The following LIPC variants were observed in gnomAD, a reference collection of about 807,000 sequenced individuals.
LIPC encodes the protein lipase C, hepatic type.
In LIPC, 44 loss-of-function variants were observed where a neutral mutation model predicts 50.7. That is an observed-to-expected ratio of 0.87 (90% confidence interval 0.68 to 1.11). The LOEUF (loss-of-function observed/expected upper bound fraction) is 1.11, where lower values mean the gene tolerates loss of function less well. Among genes scored for constraint, LIPC ranks in the 50% most tolerant of loss-of-function variants. LIPC has a pLI of 0.00. For synonymous variants in LIPC, 271 were observed against 256.4 expected, an observed-to-expected ratio of 1.06 and a Z score of -0.54; for missense variants, 697 against 648.2, an observed-to-expected ratio of 1.08 and a Z score of -0.82.
chr15:58,462,433 C>T (rs7172556), intron 1 of LIPC, among the ~76,000 whole-genome samples: 1 of 152,094 alleles, frequency 6.6e-6, no homozygotes, highest in Non-Finnish European at 1.5e-5. Context: ...ATGATAAAGG[C>T]TTTCAGCACC....
chr15:58,542,415 A>C, intron 3 of LIPC, 119 bp from the exon 4 acceptor site: 3 of 768,698 alleles, frequency 3.9e-6, no homozygotes, highest in Non-Finnish European at 7.1e-6. Context: ...GAGTGTGAAT[A>C]AGGCACCTCA....
At chr15:58,451,214 G>C (rs1893888592) in intron 1 of LIPC, among the ~76,000 whole-genome samples, 1 of 152,194 alleles carries the variant, frequency 6.6e-6, no homozygotes, top group East Asian at 1.9e-4. Context: ...GTGACAGGTA[G>C]AGCAGTGGGG....
chr15:58,435,419 G>A (rs1893260431), intron 1 of LIPC: 1 of 144,644 alleles, frequency 6.9e-6, no homozygotes, highest in Non-Finnish European at 1.5e-5. Context: ...AGTGGGCACT[G>A]TACAACAGGG....
chr15:58,511,148 G>A (rs1029427543), intron 1 of LIPC, among the ~76,000 whole-genome samples: 3 of 152,140 alleles, frequency 2.0e-5, no homozygotes, highest in African/African-American at 7.2e-5. Flanking sequence ...TTTTCTTCTC[G>A]GCTACATGAA....
chr15:58,543,688 G>A (rs1300697054), intron 4 of LIPC, among the ~76,000 whole-genome samples: 2 of 152,130 alleles, frequency 1.3e-5, no homozygotes, highest in African/African-American at 4.8e-5. Context: ...CCAGGCTGGT[G>A]TGCAATGGCA....
At chr15:58,456,162 G>A (rs979823678) in intron 1 of LIPC, 2 of 152,342 alleles carry the variant, frequency 1.3e-5, no homozygotes, top group South Asian at 4.2e-4. Flanking sequence ...CAGGGACACC[G>A]AGACAAGAGG....
chr15:58,553,187 T>C (rs1893822352), intron 6 of LIPC, among the ~76,000 whole-genome samples: 1 of 152,016 alleles, frequency 6.6e-6, no homozygotes, highest in African/African-American at 2.4e-5. Context: ...GGGCCCTTAT[T>C]CCACCCACAG....
chr15:58,463,681 C>A (rs768088958), intron 1 of LIPC, among the ~76,000 whole-genome samples: 19 of 152,198 alleles, frequency 1.2e-4, no homozygotes, highest in Non-Finnish European at 2.4e-4. Flanking sequence ...CCACTCCCAT[C>A]TCCTTGACCT....
chr15:58,487,409 A>C (rs989820482), intron 1 of LIPC, among the ~76,000 whole-genome samples: 18 of 152,216 alleles, frequency 1.2e-4, no homozygotes, highest in Admixed American at 2.6e-4. Flanking sequence ...AACCAAAGCT[A>C]TTATTTTTAG....
At chr15:58,536,159 T>A (rs1353079267) in intron 1 of LIPC, among the ~76,000 whole-genome samples, 1 of 152,170 alleles carries the variant, frequency 6.6e-6, no homozygotes, top group Non-Finnish European at 1.5e-5. Flanking sequence ...TCTGACTAGA[T>A]GAGAAGGCTT....
intron 1 of LIPC, among the ~76,000 whole-genome samples, chr15:58,450,819 C>G (rs2140671745): frequency 6.6e-6 from 1 of 152,234 alleles, no homozygotes; most frequent in East Asian, 1.9e-4. Context: ...CCAATGGTCC[C>G]TAAGCGATTT....
chr15:58,505,185 A>G lies in LIPC; in HGVS notation c.89-33148A>G, dbSNP rs35321873. On this transcript the variant is annotated intron_variant, in intron 1 of 8. Coordinates refer to ENST00000299022, the MANE Select transcript of LIPC (RefSeq NM_000236.3). ...ACCTAAGGGGAAAGGCTACCACTCT[A>G]CAGCCGGCCATCAGGGTGCTGGGCT... is the stretch of plus-strand genomic sequence containing the variant. Among the ~76,000 whole-genome samples, 559 of 152,348 alleles carry G rather than the reference A, an allele frequency of 3.7e-3. 2 individuals are homozygous for G. Among genetic ancestry groups the G allele is most frequent in the Middle Eastern group, 0.014 (4 of 294 alleles).
chr15:58,479,516 G>A (rs970109854), intron 1 of LIPC, among the ~76,000 whole-genome samples: 1 of 152,174 alleles, frequency 6.6e-6, no homozygotes, highest in Non-Finnish European at 1.5e-5. Context: ...GCCTACAGAG[G>A]ACTTCTATAG....
In LIPC at chr15:58,541,844, G is replaced by A. The variant is rs113496365; in HGVS notation, c.333G>A (p.Pro111=). 452 of 1,612,974 alleles carry A rather than the reference G, an allele frequency of 2.8e-4. 1 individual carries two copies. The African/African-American group carries it at 3.7e-3, about 13-fold the overall frequency. Residue 111 remains proline, a synonymous_variant, in exon 3 of 9, where the codon CCG becomes CCA. Transcript: ENST00000299022. ...TGGTGGCCGCGCTGAAGTCTCAGCC[G>A]GCCCAGCCAGTGAACGTGGGGCTGG... ...WQMVAALKSQ[P]AQPVNVGLVD... is the part of the protein sequence containing the mutation.
chr15:58,552,437 G>C (rs1328849086), intron 6 of LIPC, among the ~76,000 whole-genome samples: 2 of 152,174 alleles, frequency 1.3e-5, no homozygotes, highest in Non-Finnish European at 2.9e-5. Context: ...CGGCATTCCA[G>C]CTGCATGTCC....
chr15:58,495,394 C>T (rs1289632093), intron 1 of LIPC, among the ~76,000 whole-genome samples: 1 of 152,250 alleles, frequency 6.6e-6, no homozygotes, highest in Admixed American at 6.5e-5. Context: ...ATCTGTTTCT[C>T]TCCCTGTGGG....
At chr15:58,522,948 A>G (rs1223551178) in intron 1 of LIPC, 1 of 152,304 alleles carries the variant, frequency 6.6e-6, no homozygotes, top group Admixed American at 6.5e-5. Flanking sequence ...TGACACATCT[A>G]AAATATCCTA....
chr15:58,542,417 G>A, intron 3 of LIPC, 117 bp from the exon 4 acceptor site: 2 of 771,368 alleles, frequency 2.6e-6, no homozygotes, highest in African/African-American at 1.7e-5. Context: ...GTGTGAATAA[G>A]GCACCTCATT....
intron 1 of LIPC, among the ~76,000 whole-genome samples, chr15:58,499,171 C>T (rs996173079): frequency 7.9e-5 from 12 of 152,204 alleles, no homozygotes; most frequent in Admixed American, 1.3e-4. Flanking sequence ...CTGATTTGAG[C>T]AAGTGTTCTC....
Sources: allele counts gnomAD v4.1 joint callset (sites outside exome capture counted in the v4.1 genomes callset), GRCh38; gene constraint gnomAD v4.1.1; transcripts MANE v1.5; gene names NCBI Gene and HGNC (gene_info 2026-07-23, HGNC 2026-07-21).